IQCM: variants seen among roughly 807,000 people sequenced by gnomAD.
IQCM encodes the protein IQ motif containing M.
IQCM carries 45 observed loss-of-function variants against 57.6 expected under a neutral mutation model. That is an observed-to-expected ratio of 0.78 (90% CI 0.62 to 1.00). The LOEUF (loss-of-function observed/expected upper bound fraction) is 1.00, where lower values mean the gene tolerates loss of function less well. IQCM is among the 50% of genes least tolerant of loss of function. IQCM has a pLI of 0.00. For missense variants in IQCM, 468 were observed against 511.6 expected, an observed-to-expected ratio of 0.91 and a Z score of 0.82; for synonymous variants, 148 against 158.9, an observed-to-expected ratio of 0.93 and a Z score of 0.51.
At chr4:149,763,513 T>C (rs77350391) in intron 2 of IQCM, among the ~76,000 whole-genome samples, 1,792 of 152,256 alleles carry the variant, frequency 0.012, 44 homozygotes, top group African/African-American at 0.04. Context: ...CACAAAAGGC[T>C]GTAAATTAGG....
At chr4:149,525,191 C>T (rs965837228) in intron 12 of IQCM, among the ~76,000 whole-genome samples, 5 of 151,642 alleles carry the variant, frequency 3.3e-5, no homozygotes, top group African/African-American at 2.4e-5. Flanking sequence ...TTGAAGTTAT[C>T]GAAATATCAC....
chr4:149,582,576 G>A (rs1752311205), intron 9 of IQCM, among the ~76,000 whole-genome samples: 1 of 150,980 alleles, frequency 6.6e-6, no homozygotes, highest in Middle Eastern at 3.4e-3. Flanking sequence ...TGCAAATAAT[G>A]TCCATGTGTG....
intron 5 of IQCM, among the ~76,000 whole-genome samples, chr4:149,726,074 A>AGAAG (rs1487270883): frequency 4.9e-5 from 3 of 61,010 alleles, no homozygotes; most frequent in Non-Finnish European, 1.3e-4. Context: ...TCCCTCTAAA[A>AGAAG]GAAAGAAAGA....
chr4:149,721,011 G>T (rs967997303), intron 5 of IQCM, among the ~76,000 whole-genome samples: 1 of 152,114 alleles, frequency 6.6e-6, no homozygotes, highest in Non-Finnish European at 1.5e-5. Flanking sequence ...TTGTAGGAAT[G>T]AGTAAAAACA....
rs1006352302 is a variant in IQCM, at chr4:149,588,001, T to C, written c.682-4A>G. ...TAATAAGGGTTTTAAAGGTTTTCTA[T>C]AATAAGGAAAAGAAGAGTTGACATA... On this transcript the variant is annotated splice_region_variant and splice_polypyrimidine_tract_variant and intron_variant, in intron 8 of 13. Transcript: ENST00000636793. 19 of 1,212,248 alleles carry C rather than the reference T, an allele frequency of 1.6e-5. No individual in the cohort carries two copies. The East Asian group carries it at 4.1e-4, about 26-fold the overall frequency. 75.1% of individuals were successfully genotyped at this position (1,212,248 alleles called of 1,614,324 possible).
intron 2 of IQCM, among the ~76,000 whole-genome samples, chr4:149,751,941 G>A (rs1768488081): frequency 6.6e-6 from 1 of 151,992 alleles, no homozygotes; most frequent in Non-Finnish European, 1.5e-5. Flanking sequence ...GGAATTCTAG[G>A]GACATGATAT....
At chr4:149,441,932 GCACTTCTACCTTC>G (rs1369641177) in intron 12 of IQCM, among the ~76,000 whole-genome samples, 1 of 152,040 alleles carries the variant, frequency 6.6e-6, no homozygotes, top group Non-Finnish European at 1.5e-5. Flanking sequence ...TTGTGCCTTT[GCACTTCTACCTTC>G]CACCATGTAA....
At chr4:149,392,181 G>C (rs1731907174) in intron 13 of IQCM, among the ~76,000 whole-genome samples, 1 of 149,680 alleles carries the variant, frequency 6.7e-6, no homozygotes, top group African/African-American at 2.5e-5. Context: ...GTATCTTATA[G>C]ATATTCTTTT....
At chr4:149,481,648 A>G (rs1001892908) in intron 12 of IQCM, among the ~76,000 whole-genome samples, 10 of 105,836 alleles carry the variant, frequency 9.4e-5, no homozygotes, top group Non-Finnish European at 1.9e-4. Flanking sequence ...TCTTTTGGTT[A>G]CCATAGCTCT....
At chr4:149,589,586 A>G (rs1418724489) in intron 8 of IQCM, among the ~76,000 whole-genome samples, 1 of 151,986 alleles carries the variant, frequency 6.6e-6, no homozygotes, top group African/African-American at 2.4e-5. Flanking sequence ...CTCAGATGCA[A>G]TCTTACTAGT....
chr4:149,599,218 T>C (rs1197228332), intron 8 of IQCM, among the ~76,000 whole-genome samples: 1 of 152,140 alleles, frequency 6.6e-6, no homozygotes, highest in Non-Finnish European at 1.5e-5. Context: ...ATTTATTCAA[T>C]GGGATGTTGT....
chr4:149,658,900 T>C (rs1485609748), intron 7 of IQCM, among the ~76,000 whole-genome samples: 3 of 152,098 alleles, frequency 2.0e-5, no homozygotes, highest in Non-Finnish European at 4.4e-5. Flanking sequence ...TTTCTATATA[T>C]AAGATCATGT....
chr4:149,400,365 G>A (rs1732532274), intron 13 of IQCM, among the ~76,000 whole-genome samples: 1 of 151,962 alleles, frequency 6.6e-6, no homozygotes, highest in East Asian at 1.9e-4. Flanking sequence ...GGAAAATAGG[G>A]ACAATGTGAG....
intron 7 of IQCM, among the ~76,000 whole-genome samples, chr4:149,641,186 A>G (rs1290729514): frequency 2.6e-5 from 4 of 152,254 alleles, no homozygotes; most frequent in Non-Finnish European, 5.9e-5. Flanking sequence ...ATGAGAAAAC[A>G]AAACAACAGA....
At chr4:149,375,992 T>G (rs1287125438) in intron 13 of IQCM, among the ~76,000 whole-genome samples, 1 of 152,124 alleles carries the variant, frequency 6.6e-6, no homozygotes, top group African/African-American at 2.4e-5. Context: ...ACAATTAATA[T>G]TTTGCTGTGT....
chr4:149,794,238 G>A (rs1772907157), intron 2 of IQCM, among the ~76,000 whole-genome samples: 1 of 152,158 alleles, frequency 6.6e-6, no homozygotes, highest in Admixed American at 6.6e-5. Flanking sequence ...CTGAACAGCT[G>A]GATAAATCCC....
At chr4:149,382,054 C>A (rs72724065) in intron 13 of IQCM, among the ~76,000 whole-genome samples, 19,944 of 152,080 alleles carry the variant, frequency 0.13, 1,756 homozygotes, top group East Asian at 0.19. Context: ...CATGAGCCAT[C>A]GTGCCTGGCC....
chr4:149,416,874 G>A (rs898780248), intron 13 of IQCM, among the ~76,000 whole-genome samples: 34 of 152,102 alleles, frequency 2.2e-4, no homozygotes, highest in African/African-American at 7.5e-4. Context: ...GAAGTAGAAA[G>A]CAAGGTATGT....
chr4:149,424,795 T>A (rs2111232976), intron 13 of IQCM, among the ~76,000 whole-genome samples: 1 of 152,130 alleles, frequency 6.6e-6, no homozygotes, highest in South Asian at 2.1e-4. Flanking sequence ...TCAACATTTC[T>A]TTTCACTACA....
Sources: gnomAD v4.1 joint callset for allele counts (sites outside exome capture counted in the v4.1 genomes callset) on GRCh38, gnomAD v4.1.1 for gene constraint, MANE v1.5 for transcripts, NCBI Gene and HGNC (gene_info 2026-07-23, HGNC 2026-07-21) for gene names.